The following SAMTOR variants were observed in gnomAD, a reference collection of about 807,000 sequenced individuals.
SAMTOR encodes S-adenosylmethionine sensor upstream of mTORC1, also known as UPF0532 protein C7orf60.
At chr7:112,886,074 C>T in the SAMTOR span, among the ~76,000 whole-genome samples, 3 of 152,102 alleles carry the variant, frequency 2.0e-5, no homozygotes, top group South Asian at 2.1e-4. Flanking sequence ...GGGAAAAGCC[C>T]CTTATAAAAC....
the SAMTOR span, among the ~76,000 whole-genome samples, chr7:112,934,015 A>G: frequency 6.6e-6 from 1 of 152,186 alleles, no homozygotes; most frequent in African/African-American, 2.4e-5. Context: ...TTTCTTAAGA[A>G]ATATTATAGT....
At chr7:112,933,077 G>A in the SAMTOR span, among the ~76,000 whole-genome samples, 1 of 152,182 alleles carries the variant, frequency 6.6e-6, no homozygotes, top group African/African-American at 2.4e-5. Context: ...AATCCTTAAT[G>A]CTACCCTGAA....
chr7:112,823,928 T>G, the SAMTOR span, among the ~76,000 whole-genome samples: 1 of 152,228 alleles, frequency 6.6e-6, no homozygotes, highest in Non-Finnish European at 1.5e-5. Flanking sequence ...ACATTTATCA[T>G]CTTTTCCCGG....
chr7:112,868,414 A>C, the SAMTOR span, among the ~76,000 whole-genome samples: 6 of 152,324 alleles, frequency 3.9e-5, no homozygotes, highest in African/African-American at 1.4e-4. Flanking sequence ...GGCTGGTTAC[A>C]TGAATGAAAG....
the SAMTOR span, among the ~76,000 whole-genome samples, chr7:112,893,384 T>C: frequency 1.3e-5 from 2 of 152,230 alleles, no homozygotes. Flanking sequence ...TTGCACTTTA[T>C]GTCATGGAGA....
chr7:112,926,562 G>C, the SAMTOR span, among the ~76,000 whole-genome samples: 5 of 152,148 alleles, frequency 3.3e-5, no homozygotes, highest in Non-Finnish European at 5.9e-5. Context: ...ACATTGAGGA[G>C]TCTGCAGACT....
chr7:112,901,063 T>C, the SAMTOR span, among the ~76,000 whole-genome samples: 1 of 152,228 alleles, frequency 6.6e-6, no homozygotes, highest in African/African-American at 2.4e-5. Context: ...TTAAAATTTT[T>C]TGCTTTGTGA....
chr7:112,887,934 CA>C, the SAMTOR span, among the ~76,000 whole-genome samples: 2 of 152,102 alleles, frequency 1.3e-5, no homozygotes, highest in Middle Eastern at 6.8e-3. Flanking sequence ...TTTCTGTTTT[CA>C]ATTTCATTAA....
At chr7:112,902,416 CAAAAAAAAAAAACAAAAAAAAACA>C in the SAMTOR span, among the ~76,000 whole-genome samples, 1 of 12,320 alleles carries the variant, frequency 8.1e-5, no homozygotes, top group Non-Finnish European at 1.4e-4. Flanking sequence ...AACTCCGTCT[CAAAAAAAAAAAACAAAAAAAAACA>C]AAAAAAAACA....
At chr7:112,833,569 G>T in the SAMTOR span, among the ~76,000 whole-genome samples, 308 of 152,170 alleles carry the variant, frequency 2.0e-3, 2 homozygotes, top group Middle Eastern at 6.8e-3. Flanking sequence ...AGTAAAAGCA[G>T]AATTTGCTAT....
At chr7:112,920,151 G>A in the SAMTOR span, among the ~76,000 whole-genome samples, 1 of 152,168 alleles carries the variant, frequency 6.6e-6, no homozygotes, top group Non-Finnish European at 1.5e-5. Context: ...AACCAAAAAA[G>A]AGAATTTTAG....
the SAMTOR span, among the ~76,000 whole-genome samples, chr7:112,875,757 G>T: frequency 2.6e-5 from 4 of 152,088 alleles, no homozygotes; most frequent in African/African-American, 9.7e-5. Flanking sequence ...TTAAATCCAA[G>T]AACATCCTCT....
At chr7:112,831,126 A>C in the SAMTOR span, among the ~76,000 whole-genome samples, 3 of 152,138 alleles carry the variant, frequency 2.0e-5, no homozygotes, top group Non-Finnish European at 4.4e-5. Flanking sequence ...ATATATTAAT[A>C]CTCTAATCCA....
chr7:112,838,301 T>C, the SAMTOR span, among the ~76,000 whole-genome samples: 1 of 151,954 alleles, frequency 6.6e-6, no homozygotes, highest in East Asian at 1.9e-4. Flanking sequence ...TTCAGGATTT[T>C]ACATCTATGT....
chr7:112,867,678 T>C, the SAMTOR span, among the ~76,000 whole-genome samples: 1 of 152,222 alleles, frequency 6.6e-6, no homozygotes, highest in Non-Finnish European at 1.5e-5. Flanking sequence ...AAACATGGAA[T>C]AATATTCTAA....
At chr7:112,835,103 T>C in the SAMTOR span, among the ~76,000 whole-genome samples, 1 of 152,086 alleles carries the variant, frequency 6.6e-6, no homozygotes, top group African/African-American at 2.4e-5. Context: ...GTAATGTCTG[T>C]GGTTTTAGGC....
chr7:112,857,379 C>T, the SAMTOR span, among the ~76,000 whole-genome samples: 3 of 148,846 alleles, frequency 2.0e-5, no homozygotes, highest in Non-Finnish European at 4.4e-5. Flanking sequence ...GCGTGAGCCA[C>T]CGCGCCCGGC....
chr7:112,895,412 A>T, the SAMTOR span, among the ~76,000 whole-genome samples: 1 of 152,182 alleles, frequency 6.6e-6, no homozygotes, highest in East Asian at 1.9e-4. Flanking sequence ...ATTTTCTGCT[A>T]GTTTTTAATC....
At chr7:112,846,145 C>CTTT in the SAMTOR span, among the ~76,000 whole-genome samples, 1,218 of 128,982 alleles carry the variant, frequency 9.4e-3, 22 homozygotes, top group African/African-American at 0.034. Context: ...ATCTGTACAA[C>CTTT]TTTTTTTTTT....
Sources: gnomAD v4.1 joint callset for allele counts (sites outside exome capture counted in the v4.1 genomes callset) on GRCh38, gnomAD v4.1.1 for gene constraint, MANE v1.5 for transcripts, NCBI Gene and HGNC (gene_info 2026-07-23, HGNC 2026-07-21) for gene names.